CFTR: variants seen among roughly 807,000 people sequenced by gnomAD.
CFTR encodes CF transmembrane conductance regulator, also known as cystic fibrosis transmembrane conductance regulator.
CFTR carries 181 observed loss-of-function variants against 171.6 expected under a neutral mutation model. That is an observed-to-expected ratio of 1.05 (90% CI 0.93 to 1.19). The LOEUF is 1.19. Among genes scored for constraint, CFTR ranks in the 50% most tolerant of loss-of-function variants. The pLI, the probability that CFTR is intolerant of heterozygous loss-of-function variation, is 0.00. For missense variants in CFTR, 1,968 were observed against 1,734.7 expected, an observed-to-expected ratio of 1.13 and a Z score of -2.39; for synonymous variants, 583 against 608.0, an observed-to-expected ratio of 0.96 and a Z score of 0.60.
At chr7:117,561,958 G>C (rs1041917975) in intron 11 of CFTR, among the ~76,000 whole-genome samples, 1 of 152,106 alleles carries the variant, frequency 6.6e-6, no homozygotes, top group East Asian at 1.9e-4. Flanking sequence ...GAAATATTTT[G>C]ATTAAGAGCT....
At position 117,529,562 on chromosome 7, in the gene CFTR, T is replaced by G. The variant is rs868090811; in HGVS notation, c.274-1337T>G. ...GAATGTTTTCTTGCATTCAGAGCCT[T>G]GGTTGACATAGTTAATTAAAAATAA... On this transcript the variant is annotated intron_variant, in intron 3 of 26. Coordinates refer to ENST00000003084, the MANE Select transcript of CFTR (RefSeq NM_000492.4). Among the ~76,000 whole-genome samples the G allele has an allele frequency of 3.3e-5, 5 of 150,362 alleles. No individual in the cohort carries two copies. The South Asian group carries it at 8.4e-4, about 25-fold the overall frequency.
intron 11 of CFTR, among the ~76,000 whole-genome samples, chr7:117,574,784 G>C (rs1429271234): frequency 6.6e-6 from 1 of 151,986 alleles, no homozygotes; most frequent in East Asian, 1.9e-4. Flanking sequence ...TATACATATA[G>C]TTATCTATGA....
At chr7:117,553,588 A>T (rs1465830857) in intron 10 of CFTR, among the ~76,000 whole-genome samples, 1 of 152,196 alleles carries the variant, frequency 6.6e-6, no homozygotes, top group Non-Finnish European at 1.5e-5. Flanking sequence ...TAATTTAAAA[A>T]GTTTCTCATC....
At chr7:117,614,084 G>A (rs890526747) in intron 20 of CFTR, among the ~76,000 whole-genome samples, 3 of 140,868 alleles carry the variant, frequency 2.1e-5, no homozygotes, top group Non-Finnish European at 3.0e-5. Flanking sequence ...CTGACTGTCC[G>A]GTGAAATTCT....
intron 14 of CFTR, among the ~76,000 whole-genome samples, chr7:117,593,552 GT>G (rs1297435498): frequency 6.6e-6 from 1 of 152,028 alleles, no homozygotes; most frequent in African/African-American, 2.4e-5. Flanking sequence ...CTTTATGAAG[GT>G]TTCCTAAATG....
chr7:117,556,558 C>T (rs1799361613), intron 10 of CFTR, among the ~76,000 whole-genome samples: 2 of 113,114 alleles, frequency 1.8e-5, no homozygotes, highest in South Asian at 3.1e-4. Context: ...CTCGCTCTGT[C>T]GCCCAGGCTG....
chr7:117,627,453 G>A, intron 21 of CFTR, 69 bp from the exon 22 acceptor site: 1 of 1,525,904 alleles, frequency 6.6e-7, no homozygotes, highest in South Asian at 1.1e-5. Context: ...TATTTTTTAG[G>A]AAGCATCAAA....
At chr7:117,530,485 T>A (rs1193251358) in intron 3 of CFTR, among the ~76,000 whole-genome samples, 1 of 152,106 alleles carries the variant, frequency 6.6e-6, no homozygotes, top group Admixed American at 6.6e-5. Context: ...ATGCCTACTC[T>A]GTAGCAAAGA....
intron 23 of CFTR, among the ~76,000 whole-genome samples, chr7:117,645,104 C>T (rs1792979415): frequency 1.3e-5 from 2 of 152,168 alleles, no homozygotes; most frequent in Non-Finnish European, 2.9e-5. Context: ...ATAACTCCCA[C>T]CTCAAAGATG....
Position 117,643,205 on chromosome 7 carries a change from A to G in CFTR, c.3873+612A>G, listed in dbSNP as rs114861490. Among the ~76,000 whole-genome samples the G allele has an allele frequency of 6.4e-3, 971 of 152,256 alleles. 10 individuals carry two copies. Among genetic ancestry groups the G allele is most frequent in the African/African-American group, 0.022 (914 of 41,558 alleles). ...AGAAATAGCAACAGTTCCAGTTTAA[A>G]GTGATATAAATGGAAACCAAGAAAT... is the stretch of plus-strand genomic sequence containing the variant. On this transcript the variant is annotated intron_variant, in intron 23 of 26. Coordinates refer to ENST00000003084, the MANE Select transcript of CFTR (RefSeq NM_000492.4).
chr7:117,536,746 T>C, intron 7 of CFTR, 73 bp downstream of exon 7: 2 of 1,247,958 alleles, frequency 1.6e-6, no homozygotes, highest in South Asian at 1.2e-5. Context: ...TTTATCATGG[T>C]AGACTTCCAC....
chr7:117,657,723 T>A (rs775824852), intron 24 of CFTR, among the ~76,000 whole-genome samples: 35 of 152,166 alleles, frequency 2.3e-4, no homozygotes, highest in Non-Finnish European at 4.3e-4. Context: ...GACTAGTATC[T>A]CTAGAGGTAA....
intron 11 of CFTR, among the ~76,000 whole-genome samples, chr7:117,578,226 G>A (rs1791800004): frequency 6.6e-6 from 1 of 151,536 alleles, no homozygotes; most frequent in Non-Finnish European, 1.5e-5. Flanking sequence ...AAGGCAACAA[G>A]GCCAACTCCT....
At chr7:117,536,714 T>C (rs1197967582) in intron 7 of CFTR, 41 bp downstream of exon 7, 4 of 1,547,034 alleles carry the variant, frequency 2.6e-6, no homozygotes, top group Middle Eastern at 1.8e-4. Flanking sequence ...AGTAATTCTG[T>C]CCTTAATTTT....
chr7:117,652,614 A>AT (rs1396781627), intron 23 of CFTR, among the ~76,000 whole-genome samples: 3 of 152,118 alleles, frequency 2.0e-5, no homozygotes, highest in Non-Finnish European at 4.4e-5. Context: ...GATTAGAAAA[A>AT]TGTTCACAAG....
chr7:117,519,954 G>A (rs888168209), intron 3 of CFTR, among the ~76,000 whole-genome samples: 1 of 151,718 alleles, frequency 6.6e-6, no homozygotes, highest in Non-Finnish European at 1.5e-5. Context: ...TTCCAGAAAA[G>A]GTGCACTACT....
At position 117,559,445 on chromosome 7, in the gene CFTR, T is replaced by A; in HGVS notation, c.1393-19T>A. On this transcript the variant is annotated intron_variant, in intron 10 of 26. Transcript: ENST00000003084. ...GCGTGATTTGATAATGACCTAATAA[T>A]GATGGGTTTTATTTCCAGACTTCAC... The A allele has an allele frequency of 6.5e-7, 1 of 1,532,618 alleles. No homozygotes were observed. The highest frequency in any genetic ancestry group is 9.0e-7 in the Non-Finnish European group (1 of 1,107,400). 94.9% of individuals were successfully genotyped at this position (1,532,618 alleles called of 1,614,324 possible). A position where few individuals can be genotyped will look rare whatever the true frequency, so the allele number is the denominator to read the frequency against.
chr7:117,663,781 T>C (rs1793325348), intron 24 of CFTR, among the ~76,000 whole-genome samples: 1 of 152,246 alleles, frequency 6.6e-6, no homozygotes, highest in Non-Finnish European at 1.5e-5. Context: ...GACAATCATC[T>C]GTATATCTCT....
chr7:117,592,436 A>G lies in CFTR; in HGVS notation c.2269A>G (p.Thr757Ala), dbSNP rs1792045642. ...ACTGCCTCGCATCAGCGTGATCAGC[A>G]CTGGCCCCACGCTTCAGGCACGAAG... ...AILPRISVIS[T>A]GPTLQARRRQ... The change falls in exon 14 of 27, where the codon ACT becomes GCT. Residue 757 changes from threonine to alanine, a missense_variant. Transcript: ENST00000003084. 1 of 1,604,534 alleles carries G rather than the reference A, an allele frequency of 6.2e-7. No homozygotes were observed.
Sources: allele counts gnomAD v4.1 joint callset (sites outside exome capture counted in the v4.1 genomes callset), GRCh38; gene constraint gnomAD v4.1.1; transcripts MANE v1.5; gene names NCBI Gene and HGNC (gene_info 2026-07-23, HGNC 2026-07-21).